SUCO: variants seen among roughly 807,000 people sequenced by gnomAD.
SUCO encodes the protein SUN domain-containing ossification factor.
A neutral mutation model predicts 148.1 loss-of-function variants in SUCO; 57 were observed. The ratio of observed to expected loss-of-function variants is 0.38; its 90% confidence interval spans 0.31 to 0.48. The LOEUF is 0.48. Ranked by LOEUF, SUCO falls within the 20% of genes least tolerant of loss-of-function variation. The pLI is 0.96. For synonymous variants in SUCO, 470 were observed against 502.7 expected (o/e 0.93, Z 0.87); for missense variants, 1,331 against 1,468.2 (o/e 0.91, Z 1.53).
At chr1:172,578,554 AAT>A in intron 14 of SUCO, 165 bp downstream of exon 14, 1 of 972,206 alleles carries the variant, frequency 1.0e-6, no homozygotes, top group Non-Finnish European at 1.2e-6. Flanking sequence ...TCTGTTTTCT[AAT>A]ATGATTGCTT....
intron 9 of SUCO, among the ~76,000 whole-genome samples, chr1:172,572,141 C>G (rs1198885992): frequency 7.2e-6 from 1 of 138,324 alleles, no homozygotes; most frequent in African/African-American, 2.6e-5. Flanking sequence ...TCTGCCCGGC[C>G]GCCCCTACTG....
At chr1:172,594,171 C>CT (rs894397642) in intron 19 of SUCO, among the ~76,000 whole-genome samples, 16 of 151,112 alleles carry the variant, frequency 1.1e-4, no homozygotes, top group African/African-American at 3.9e-4. Context: ...CTCTTTTCTT[C>CT]TTTATTAGTC....
chr1:172,542,083 A>C (rs1333137039), intron 1 of SUCO, among the ~76,000 whole-genome samples: 1 of 152,082 alleles, frequency 6.6e-6, no homozygotes, highest in Admixed American at 6.6e-5. Flanking sequence ...AATGCAGATA[A>C]AATTTGGCCT....
intron 1 of SUCO, among the ~76,000 whole-genome samples, chr1:172,543,566 A>C (rs1652645401): frequency 6.6e-6 from 1 of 152,200 alleles, no homozygotes; most frequent in Non-Finnish European, 1.5e-5. Context: ...ATGTTGGATC[A>C]ATGAAATTAT....
chr1:172,586,507 T>G (rs2149258378), intron 17 of SUCO, among the ~76,000 whole-genome samples: 1 of 152,278 alleles, frequency 6.6e-6, no homozygotes, highest in Non-Finnish European at 1.5e-5. Context: ...CTTTTTTGTC[T>G]TTTCTGCCAG....
intron 7 of SUCO, 110 bp from the exon 8 acceptor site, chr1:172,569,937 T>C: frequency 9.5e-7 from 1 of 1,052,058 alleles, no homozygotes; most frequent in Non-Finnish European, 1.2e-6. Context: ...TAAAACCTAT[T>C]CTTTTCTAGA....
upstream of SUCO, chr1:172,532,974 T>C: frequency 7.3e-7 from 1 of 1,377,950 alleles, no homozygotes; most frequent in Non-Finnish European, 9.5e-7. Context: ...GGGCGTGGCC[T>C]GCGCAGAGGC....
intron 19 of SUCO, among the ~76,000 whole-genome samples, chr1:172,594,983 T>C (rs1010988198): frequency 1.3e-5 from 2 of 152,190 alleles, no homozygotes; most frequent in African/African-American, 4.8e-5. Flanking sequence ...GGTGCATATA[T>C]GTATTTAGGA....
intron 6 of SUCO, among the ~76,000 whole-genome samples, chr1:172,563,939 G>T (rs1172838800): frequency 1.3e-5 from 2 of 152,324 alleles, no homozygotes; most frequent in Middle Eastern, 3.4e-3. Flanking sequence ...CATCCCAGCT[G>T]CTCCAACTTC....
chr1:172,600,676 C>A (rs1427042467), intron 20 of SUCO, among the ~76,000 whole-genome samples: 1 of 146,382 alleles, frequency 6.8e-6, no homozygotes, highest in Admixed American at 6.9e-5. Flanking sequence ...CCTAGTGATA[C>A]GTACTATGAA....
intron 23 of SUCO, chr1:172,609,182 A>G: frequency 1.1e-6 from 1 of 884,204 alleles, no homozygotes; most frequent in Non-Finnish European, 1.4e-6. Context: ...CCGTTCCTCT[A>G]ATCCTCACCA....
intron 9 of SUCO, among the ~76,000 whole-genome samples, chr1:172,571,379 G>A (rs904438289): frequency 1.3e-5 from 2 of 152,194 alleles, no homozygotes; most frequent in Non-Finnish European, 2.9e-5. Flanking sequence ...TGCCCAGGCT[G>A]GAGTGCAGTG....
intron 19 of SUCO, among the ~76,000 whole-genome samples, chr1:172,595,051 C>G (rs1035705539): frequency 6.6e-6 from 1 of 152,112 alleles, no homozygotes; most frequent in Non-Finnish European, 1.5e-5. Flanking sequence ...CCTTCTTTGT[C>G]TCTTTTGATC....
chr1:172,569,253 T>C, intron 7 of SUCO, 111 bp downstream of exon 7: 3 of 1,156,534 alleles, frequency 2.6e-6, no homozygotes, highest in Non-Finnish European at 3.4e-6. Flanking sequence ...TTGAAAACTT[T>C]TTAAAGGTGA....
chr1:172,545,938 T>G (rs541204550), intron 1 of SUCO, among the ~76,000 whole-genome samples: 7 of 152,104 alleles, frequency 4.6e-5, no homozygotes, highest in African/African-American at 1.7e-4. Flanking sequence ...TTCCTTTCCT[T>G]TCCTTTCTTT....
intron 22 of SUCO, among the ~76,000 whole-genome samples, chr1:172,603,366 A>G (rs1044468737): frequency 6.6e-6 from 1 of 152,102 alleles, no homozygotes; most frequent in Non-Finnish European, 1.5e-5. Flanking sequence ...ATTTGTTTTC[A>G]TACTAATATT....
At chr1:172,581,101 A>G (rs1437985831) in intron 15 of SUCO, among the ~76,000 whole-genome samples, 2 of 151,992 alleles carry the variant, frequency 1.3e-5, no homozygotes, top group Admixed American at 6.5e-5. Flanking sequence ...CTCTGTCTCA[A>G]AAACAAAACA....
chr1:172,585,833 A>T (rs1476460245), intron 16 of SUCO, 25 bp from the exon 17 acceptor site: 1 of 1,460,382 alleles, frequency 6.8e-7, no homozygotes, highest in Non-Finnish European at 9.4e-7. Context: ...ATTGAACTCA[A>T]CATTGGGCAT....
In SUCO at chr1:172,557,634, T is replaced by G; in HGVS notation, c.582-10T>G. ...TCTGTTTATTTAATATATCTTTTGG[T>G]TTTAAACAGCCTTGTTGGCCAGCAT... On this transcript the variant is annotated splice_polypyrimidine_tract_variant and intron_variant, in intron 5 of 23. Coordinates refer to ENST00000263688, the MANE Select transcript of SUCO (RefSeq NM_014283.5). 1 of 1,580,234 alleles carries G rather than the reference T, an allele frequency of 6.3e-7. No individual in the cohort carries two copies. Among genetic ancestry groups the G allele is most frequent in the South Asian group, 1.2e-5 (1 of 84,842 alleles).
Sources: allele counts gnomAD v4.1 joint callset (sites outside exome capture counted in the v4.1 genomes callset), GRCh38; gene constraint gnomAD v4.1.1; transcripts MANE v1.5; gene names NCBI Gene and HGNC (gene_info 2026-07-23, HGNC 2026-07-21).